ANKFN1: variants seen among roughly 807,000 people sequenced by gnomAD.
ANKFN1 encodes the protein ankyrin repeat and fibronectin type-III domain-containing protein 1.
ANKFN1 carries 74 observed loss-of-function variants against 108.7 expected under a neutral mutation model. The ratio of observed to expected loss-of-function variants is 0.68; its 90% CI spans 0.56 to 0.83. The LOEUF is 0.83. ANKFN1 is among the 40% of genes least tolerant of loss of function. The pLI is 0.00. For synonymous variants in ANKFN1, 547 were observed against 516.2 expected, an observed-to-expected ratio of 1.06 and a Z score of -0.81; for missense variants, 1,505 against 1,382.3, an observed-to-expected ratio of 1.09 and a Z score of -1.41.
intron 8 of ANKFN1, among the ~76,000 whole-genome samples, chr17:56,412,587 T>C (rs2048124964): frequency 6.6e-6 from 1 of 152,210 alleles, no homozygotes; most frequent in South Asian, 2.1e-4. Context: ...CTGGCCTTCA[T>C]ATTTCTCCCA....
Position 56,450,757 on chromosome 17 carries a change from T to G in ANKFN1, c.1207+1571T>G, listed in dbSNP as rs959262266. On this transcript the variant is annotated intron_variant, in intron 11 of 20. Coordinates refer to ENST00000682825, the MANE Select transcript of ANKFN1 (RefSeq NM_001370326.1). ...ATTCTTGGAAATTCATAAGCCACTG[T>G]GTGTTTGGTCTTGATCAGAGGGGGA... Among the ~76,000 whole-genome samples, 27 of 152,196 alleles carry G rather than the reference T, an allele frequency of 1.8e-4. 2 individuals are homozygous for G. The highest frequency in any genetic ancestry group is 1.3e-4 in the Admixed American group (2 of 15,288).
At chr17:56,145,165 G>C (rs1314534512) in intron 4 of ANKFN1, among the ~76,000 whole-genome samples, 1 of 152,188 alleles carries the variant, frequency 6.6e-6, no homozygotes, top group Non-Finnish European at 1.5e-5. Context: ...AACAAGCAGT[G>C]AGTGTGCACT....
chr17:56,204,075 C>G (rs1016330503), intron 1 of ANKFN1, among the ~76,000 whole-genome samples: 1 of 152,112 alleles, frequency 6.6e-6, no homozygotes, highest in African/African-American at 2.4e-5. Flanking sequence ...GAGACAGAGT[C>G]TCACTCTGTT....
chr17:56,306,654 A>C (rs1400677155), intron 3 of ANKFN1, among the ~76,000 whole-genome samples: 1 of 152,200 alleles, frequency 6.6e-6, no homozygotes, highest in African/African-American at 2.4e-5. Flanking sequence ...CATACTGCCC[A>C]AGGTAATTTA....
chr17:56,127,573 C>G (rs1048552985), intron 4 of ANKFN1, among the ~76,000 whole-genome samples: 6 of 152,110 alleles, frequency 3.9e-5, no homozygotes, highest in African/African-American at 1.4e-4. Context: ...CTCGGCCTCC[C>G]AAAATGCTGG....
At chr17:56,135,083 G>A (rs556785693) in intron 4 of ANKFN1, among the ~76,000 whole-genome samples, 4 of 152,138 alleles carry the variant, frequency 2.6e-5, no homozygotes, top group South Asian at 4.2e-4. Context: ...ACAGATAGTG[G>A]AATTCTCAGA....
chr17:56,109,173 T>C (rs977393941), intron 4 of ANKFN1, among the ~76,000 whole-genome samples: 1 of 152,198 alleles, frequency 6.6e-6, no homozygotes, highest in African/African-American at 2.4e-5. Context: ...CAGAATGAGC[T>C]TATGTCAGAG....
intron 4 of ANKFN1, among the ~76,000 whole-genome samples, chr17:56,090,538 T>A (rs528623550): frequency 5.9e-5 from 9 of 151,298 alleles, no homozygotes; most frequent in Non-Finnish European, 1.0e-4. Context: ...CTTTAATCTT[T>A]GATAGTCACA....
chr17:56,082,897 G>C (rs1391344219), intron 4 of ANKFN1, among the ~76,000 whole-genome samples: 1 of 151,700 alleles, frequency 6.6e-6, no homozygotes, highest in Non-Finnish European at 1.5e-5. Flanking sequence ...GAGATGAAGT[G>C]AGTCACTCCA....
intron 16 of ANKFN1, among the ~76,000 whole-genome samples, chr17:56,479,871 T>C (rs2050634532): frequency 6.6e-6 from 1 of 152,204 alleles, no homozygotes; most frequent in East Asian, 1.9e-4. Flanking sequence ...CAACTGAATG[T>C]GTTTAGAGAC....
chr17:56,087,316 C>T (rs1245197397), intron 4 of ANKFN1, among the ~76,000 whole-genome samples: 1 of 151,410 alleles, frequency 6.6e-6, no homozygotes, highest in Non-Finnish European at 1.5e-5. Context: ...TAACTCTTCA[C>T]TCTTAGAAGG....
chr17:56,392,409 C>T (rs1432987859), intron 8 of ANKFN1, among the ~76,000 whole-genome samples: 2 of 152,188 alleles, frequency 1.3e-5, no homozygotes, highest in African/African-American at 2.4e-5. Context: ...CATCTCCCAT[C>T]TTCTGCTCTA....
intron 11 of ANKFN1, among the ~76,000 whole-genome samples, chr17:56,451,848 T>C (rs1004521585): frequency 5.3e-5 from 8 of 152,190 alleles, no homozygotes; most frequent in African/African-American, 1.9e-4. Flanking sequence ...GTAATGACCG[T>C]GTAATGACTC....
chr17:56,426,346 T>G (rs969346711), intron 8 of ANKFN1, among the ~76,000 whole-genome samples: 2 of 152,246 alleles, frequency 1.3e-5, no homozygotes, highest in African/African-American at 4.8e-5. Flanking sequence ...CAACTGTCAA[T>G]GTGACAGTCT....
chr17:56,337,808 A>T (rs1026029594), intron 4 of ANKFN1, among the ~76,000 whole-genome samples: 1 of 152,134 alleles, frequency 6.6e-6, no homozygotes, highest in Admixed American at 6.6e-5. Context: ...GAAACAACAG[A>T]TGCTGGAGAG....
At chr17:56,101,754 A>G (rs1370574344) in intron 4 of ANKFN1, among the ~76,000 whole-genome samples, 23 of 152,350 alleles carry the variant, frequency 1.5e-4, no homozygotes, top group Admixed American at 2.0e-4. Flanking sequence ...ATGCAAAAAT[A>G]AAACTGATCA....
At chr17:56,205,125 C>T (rs1307933810) in intron 1 of ANKFN1, among the ~76,000 whole-genome samples, 1 of 152,160 alleles carries the variant, frequency 6.6e-6, no homozygotes, top group Non-Finnish European at 1.5e-5. Context: ...TTATACCCTT[C>T]TTGGCTCCAT....
At chr17:56,285,755 A>G (rs2044198657) in intron 3 of ANKFN1, among the ~76,000 whole-genome samples, 1 of 151,940 alleles carries the variant, frequency 6.6e-6, no homozygotes, top group Non-Finnish European at 1.5e-5. Context: ...CAAATAGTCT[A>G]ATTAGAAGAG....
intron 1 of ANKFN1, among the ~76,000 whole-genome samples, chr17:56,171,659 G>T (rs1201212609): frequency 1.3e-5 from 2 of 152,152 alleles, no homozygotes; most frequent in Admixed American, 1.3e-4. Flanking sequence ...CTTCATTTTG[G>T]TATCCCTCTG....
Sources: allele counts gnomAD v4.1 joint callset (sites outside exome capture counted in the v4.1 genomes callset), GRCh38; gene constraint gnomAD v4.1.1; transcripts MANE v1.5; gene names NCBI Gene and HGNC (gene_info 2026-07-23, HGNC 2026-07-21).